Variants in AUTS2 observed in about 807,000 individuals in gnomAD.
AUTS2 encodes activator of transcription and developmental regulator AUTS2.
In AUTS2, 17 loss-of-function variants were observed where a neutral mutation model predicts 112.4. That is an observed-to-expected ratio of 0.15 (90% CI 0.10 to 0.23). AUTS2 has a LOEUF of 0.23. AUTS2 is among the 10% of genes least tolerant of loss of function. AUTS2 has a pLI of 1.00. For missense variants in AUTS2, 1,510 were observed against 1,701.6 expected, an observed-to-expected ratio of 0.89 and a Z score of 1.98; for synonymous variants, 751 against 702.7, an observed-to-expected ratio of 1.07 and a Z score of -1.09.
intron 2 of AUTS2, among the ~76,000 whole-genome samples, chr7:70,029,558 T>C (rs1311881950): frequency 6.6e-6 from 1 of 152,166 alleles, no homozygotes; most frequent in East Asian, 1.9e-4. Flanking sequence ...ATCTGTCCCA[T>C]GAATGTTCGT....
chr7:70,776,519 C>T (rs1030830327), intron 13 of AUTS2, among the ~76,000 whole-genome samples: 1 of 152,166 alleles, frequency 6.6e-6, no homozygotes, highest in African/African-American at 2.4e-5. Context: ...AACTTAGGAA[C>T]AGCGCCCACC....
chr7:70,298,990 T>G (rs990220569), intron 4 of AUTS2, among the ~76,000 whole-genome samples: 1 of 152,194 alleles, frequency 6.6e-6, no homozygotes, highest in African/African-American at 2.4e-5. Context: ...TGGCAGCAAA[T>G]AGAATTAAAC....
chr7:70,001,925 G>T (rs542380056), intron 2 of AUTS2, among the ~76,000 whole-genome samples: 1 of 152,050 alleles, frequency 6.6e-6, no homozygotes, highest in Admixed American at 6.6e-5. Context: ...TGGTCAGGCT[G>T]GTCTCAAACT....
chr7:70,026,023 ACTGATGGATTGCTTTGTTAT>A (rs1373176033), intron 2 of AUTS2, among the ~76,000 whole-genome samples: 1 of 151,906 alleles, frequency 6.6e-6, no homozygotes, highest in Admixed American at 6.6e-5. Flanking sequence ...TATTTTTCTC[ACTGATGGATTGCTTTGTTAT>A]CTGCTGCCAG....
intron 1 of AUTS2, among the ~76,000 whole-genome samples, chr7:69,681,618 C>G (rs1796801189): frequency 6.6e-6 from 1 of 152,166 alleles, no homozygotes; most frequent in African/African-American, 2.4e-5. Flanking sequence ...TATGAGTGAT[C>G]TTAGGCAAGT....
In AUTS2 at chr7:69,735,008, C is replaced by T. The variant is rs113779620; in HGVS notation, c.309+135046C>T. Reference sequence around the variant, plus strand: ...TAGGTTGCAGGAATCTGACTCTTAACGATCAAGCACATTTGATATTCAGAC... The same window carrying T: ...TAGGTTGCAGGAATCTGACTCTTAATGATCAAGCACATTTGATATTCAGAC... On this transcript the variant is annotated intron_variant, in intron 1 of 18. Transcript: ENST00000342771. Among the ~76,000 whole-genome samples the T allele has an allele frequency of 4.1e-4, 62 of 152,254 alleles. 3 individuals carry two copies. Among genetic ancestry groups the T allele is most frequent in the African/African-American group, 1.3e-3 (55 of 41,562 alleles).
At position 70,399,386 on chromosome 7, in the gene AUTS2, C is replaced by CT. The variant is rs150509286; in HGVS notation, c.661-36357dup. 3.4e-3 allele frequency among the ~76,000 whole-genome samples: 508 copies of CT among 151,024 alleles called. 2 individuals are homozygous for CT. Among genetic ancestry groups the CT allele is most frequent in the African/African-American group, 0.011 (441 of 41,198 alleles). On this transcript the variant is annotated intron_variant, in intron 4 of 18. Transcript: ENST00000342771. ...TACATTGTACATACATTGCTAAGGT[C>CT]TTTTTTTTTGCTTATGGGTTTGCTT...
At chr7:70,535,850 A>G (rs1009635806) in intron 5 of AUTS2, among the ~76,000 whole-genome samples, 1 of 152,154 alleles carries the variant, frequency 6.6e-6, no homozygotes, top group African/African-American at 2.4e-5. Flanking sequence ...TTCCCACCCA[A>G]TAAAGAGGAT....
At chr7:70,708,190 A>G (rs907658051) in intron 6 of AUTS2, among the ~76,000 whole-genome samples, 4 of 152,190 alleles carry the variant, frequency 2.6e-5, no homozygotes, top group Admixed American at 1.3e-4. Context: ...CCAAGATTAC[A>G]TCATTTTCTC....
chr7:70,303,822 A>G lies in AUTS2; in HGVS notation c.661-131930A>G, dbSNP rs942723620. Among the ~76,000 whole-genome samples the G allele has an allele frequency of 6.6e-5, 10 of 152,192 alleles. 1 individual carries two copies. In the South Asian group the frequency reaches 1.5e-3, roughly 22 times the overall value. ...CCCTCCCAGAGCAAGAACTACAAAA[A>G]CATAGTTTTTTTCTCATTTTCTTTT... On this transcript the variant is annotated intron_variant, in intron 4 of 18. Coordinates refer to ENST00000342771, the MANE Select transcript of AUTS2 (RefSeq NM_015570.4).
intron 4 of AUTS2, among the ~76,000 whole-genome samples, chr7:70,274,942 A>G (rs970906450): frequency 9.9e-5 from 15 of 152,248 alleles, no homozygotes; most frequent in African/African-American, 7.2e-5. Flanking sequence ...TTATATTCCA[A>G]TGTTCATAGA....
chr7:69,877,166 C>T (rs1291340094), intron 1 of AUTS2, among the ~76,000 whole-genome samples: 1 of 152,122 alleles, frequency 6.6e-6, no homozygotes, highest in Non-Finnish European at 1.5e-5. Context: ...GGTATATAGG[C>T]CTTGATTTAT....
At chr7:70,669,263 G>GGTTC (rs1452585287) in intron 5 of AUTS2, among the ~76,000 whole-genome samples, 1 of 152,190 alleles carries the variant, frequency 6.6e-6, no homozygotes, top group Non-Finnish European at 1.5e-5. Flanking sequence ...GTGGTTTGCA[G>GGTTC]GTTCGTTCAT....
At chr7:69,851,306 G>A (rs868856531) in intron 1 of AUTS2, among the ~76,000 whole-genome samples, 39 of 152,096 alleles carry the variant, frequency 2.6e-4, no homozygotes, top group South Asian at 1.2e-3. Flanking sequence ...ATTCTTTTTT[G>A]TTAATAGTTT....
chr7:69,807,159 AT>A (rs1790345699), intron 1 of AUTS2, among the ~76,000 whole-genome samples: 1 of 152,178 alleles, frequency 6.6e-6, no homozygotes. Flanking sequence ...GCACAATCTA[AT>A]TTTGTTTCCA....
In AUTS2 at chr7:69,614,098, C is replaced by T. The variant is rs1036119578; in HGVS notation, c.309+14136C>T. Among the ~76,000 whole-genome samples, 5 of 152,168 alleles carry T rather than the reference C, an allele frequency of 3.3e-5. No individual in the cohort carries two copies. In the East Asian group the frequency reaches 7.7e-4, roughly 23 times the overall value. On this transcript the variant is annotated intron_variant, in intron 1 of 18. Transcript: ENST00000342771. The stretch of plus-strand genomic sequence containing the variant: ...ACTGTACATTTTTGAGAAGGCTCCT[C>T]CTCATTTCCCCTCGGCTAAGATGGG...
At chr7:70,088,021 G>A (rs1167494773) in intron 2 of AUTS2, among the ~76,000 whole-genome samples, 3 of 149,106 alleles carry the variant, frequency 2.0e-5, no homozygotes, top group Non-Finnish European at 4.4e-5. Context: ...ATTCTTGATA[G>A]TGACAATTCA....
At chr7:70,347,385 C>A (rs919349388) in intron 4 of AUTS2, among the ~76,000 whole-genome samples, 1 of 152,160 alleles carries the variant, frequency 6.6e-6, no homozygotes, top group Non-Finnish European at 1.5e-5. Flanking sequence ...GAGGACTGCT[C>A]TTGTGCCTCA....
At chr7:70,511,759 A>G (rs1425096085) in intron 5 of AUTS2, among the ~76,000 whole-genome samples, 3 of 151,748 alleles carry the variant, frequency 2.0e-5, no homozygotes, top group South Asian at 2.1e-4. Context: ...TATTTTTAAT[A>G]GAGACCAGGT....
Sources: allele counts gnomAD v4.1 joint callset (sites outside exome capture counted in the v4.1 genomes callset), GRCh38; gene constraint gnomAD v4.1.1; transcripts MANE v1.5; gene names NCBI Gene and HGNC (gene_info 2026-07-23, HGNC 2026-07-21).